USP9X: variants seen among roughly 807,000 people sequenced by gnomAD.
The protein encoded by USP9X is ubiquitin carboxyl-terminal hydrolase 9X.
Under a neutral mutation model 190.3 loss-of-function variants are expected in USP9X, and 7 were observed. The ratio of observed to expected loss-of-function variants is 0.04; its 90% confidence interval spans 0.02 to 0.07. The LOEUF (loss-of-function observed/expected upper bound fraction) is 0.07, where lower values mean the gene tolerates loss of function less well. Among genes scored for constraint, USP9X ranks in the 10% least tolerant of loss-of-function variants. The probability of loss-of-function intolerance (pLI) is 1.00; values close to 1 mark genes in which losing one functional copy is unlikely to be tolerated. For synonymous variants in USP9X, 645 were observed against 659.5 expected, an observed-to-expected ratio of 0.98 and a Z score of 0.34; for missense variants, 1,010 against 1,916.9, an observed-to-expected ratio of 0.53 and a Z score of 8.83.
At position 41,184,068 on chromosome X, in the gene USP9X, T is replaced by A. The variant is rs764118379; in HGVS notation, c.3219T>A (p.Ser1073Arg). Residue 1073 changes from serine (S) to arginine (R), a missense_variant, in exon 22 of 45, where the codon AGT becomes AGA. Around this residue, in one of 11 missense-constraint regions of USP9X, gnomAD observed 351 missense variants for 480.8 expected, o/e 0.73. Transcript: ENST00000378308. Reference sequence around the variant, plus strand: ...CCAAACTTGGAGAAAGCAGCCTTAGTCCATCTCTTGACTCACTTTTCTTTG... The same window carrying A: ...CCAAACTTGGAGAAAGCAGCCTTAGACCATCTCTTGACTCACTTTTCTTTG... ...DHAKLGESSL[S>R]PSLDSLFFGP... 1 of 1,210,876 alleles carries A rather than the reference T, an allele frequency of 8.3e-7. No homozygotes were observed. Among genetic ancestry groups the A allele is most frequent in the Non-Finnish European group, 1.1e-6 (1 of 894,995 alleles).
intron 21 of USP9X, among the ~76,000 whole-genome samples, chrX:41,172,168 A>G (rs2062732891): frequency 8.9e-6 from 1 of 111,744 alleles, no homozygotes; most frequent in Admixed American, 9.5e-5. Context: ...ATCTAGAAGA[A>G]TAATATTTTG....
intron 21 of USP9X, among the ~76,000 whole-genome samples, chrX:41,174,160 T>A (rs2062752851): frequency 1.8e-5 from 2 of 112,266 alleles, no homozygotes; most frequent in South Asian, 7.4e-4. Context: ...CACCCTATGA[T>A]GTTCACACAA....
intron 7 of USP9X, 93 bp downstream of exon 7, chrX:41,140,864 A>T (rs1457926004): frequency 4.6e-6 from 5 of 1,088,339 alleles, no homozygotes; most frequent in Non-Finnish European, 6.1e-6. Context: ...GGTTTCTTCA[A>T]CTAATAACTG....
Position 41,168,133 on chromosome X carries a change from G to A in USP9X, c.2551G>A (p.Val851Ile). 1 of 1,211,250 alleles carries A rather than the reference G, an allele frequency of 8.3e-7. No individual in the cohort carries two copies. Among genetic ancestry groups the A allele is most frequent in the Non-Finnish European group, 1.1e-6 (1 of 895,207 alleles). Residue 851 changes from valine (V) to isoleucine (I), a missense_variant, in exon 18 of 45, where the codon GTT becomes ATT. This residue lies in a region of USP9X where 104 missense variants were observed against 239.8 expected (regional missense o/e 0.43). Coordinates refer to ENST00000378308, the MANE Select transcript of USP9X (RefSeq NM_001039591.3). ...NCARQEAVRM[V>I]RVLTVLREYI... ...TGCAAGACAGGAAGCTGTTCGAATGGTTCGAGTATTAACTGTTTTAAGGGA... is the reference window on the plus strand; with the variant it reads ...TGCAAGACAGGAAGCTGTTCGAATGATTCGAGTATTAACTGTTTTAAGGGA...
At chrX:41,177,594 T>G (rs138096302) in intron 21 of USP9X, among the ~76,000 whole-genome samples, 142 of 112,407 alleles carry the variant, frequency 1.3e-3, no homozygotes, top group African/African-American at 4.4e-3. Flanking sequence ...ATGCTTTGTG[T>G]AGAGAGATGC....
intron 5 of USP9X, among the ~76,000 whole-genome samples, chrX:41,136,241 G>T (rs2147033112): frequency 9.0e-6 from 1 of 111,701 alleles, no homozygotes; most frequent in African/African-American, 3.3e-5. Flanking sequence ...CTTCCTTGGA[G>T]CCTCTGCCTC....
intron 36 of USP9X, 70 bp from the exon 37 acceptor site, chrX:41,218,302 A>G: frequency 9.5e-7 from 1 of 1,051,532 alleles, no homozygotes; most frequent in East Asian, 3.1e-5. Context: ...TGGTTCAATG[A>G]GACTCATCCT....
In USP9X at chrX:41,154,139, G is replaced by A. The variant is rs1463577037; in HGVS notation, c.1897+1058G>A. Among the ~76,000 whole-genome samples, 5 of 110,994 alleles carry A rather than the reference G, an allele frequency of 4.5e-5. No homozygotes were observed. The East Asian group carries it at 1.4e-3, about 31-fold the overall frequency. On this transcript the variant is annotated intron_variant, in intron 14 of 44. Coordinates refer to ENST00000378308, the MANE Select transcript of USP9X (RefSeq NM_001039591.3). ...TCTTTATTCTTCCATTTATCCCCTC[G>A]GGGCCAATAGATTGTTAGAGCTAGA...
At chrX:41,214,214 A>G (rs761216144) in intron 33 of USP9X, among the ~76,000 whole-genome samples, 15 of 112,631 alleles carry the variant, frequency 1.3e-4, no homozygotes, top group African/African-American at 4.2e-4. Context: ...ATGAATTACT[A>G]TCTAAACAGA....
intron 32 of USP9X, among the ~76,000 whole-genome samples, chrX:41,207,316 G>A (rs903870081): frequency 8.3e-5 from 9 of 108,753 alleles, no homozygotes; most frequent in Non-Finnish European, 3.8e-5. Context: ...AATTCCTGAC[G>A]TCAGGTGATC....
intron 1 of USP9X, among the ~76,000 whole-genome samples, chrX:41,108,953 C>T (rs2062089091): frequency 9.0e-6 from 1 of 111,176 alleles, no homozygotes; most frequent in Non-Finnish European, 1.9e-5. Flanking sequence ...AGAGCCTGTG[C>T]AACTCAAAGT....
intron 1 of USP9X, among the ~76,000 whole-genome samples, chrX:41,113,940 G>A (rs1415883842): frequency 8.9e-6 from 1 of 112,804 alleles, no homozygotes. Flanking sequence ...GTGCAGTTGA[G>A]AGAAATGTGA....
intron 2 of USP9X, among the ~76,000 whole-genome samples, chrX:41,126,274 T>A (rs931441814): frequency 1.8e-5 from 2 of 111,968 alleles, no homozygotes; most frequent in East Asian, 5.6e-4. Context: ...TATTAAAGTG[T>A]ATGGTCACAG....
intron 21 of USP9X, among the ~76,000 whole-genome samples, chrX:41,181,435 CTTTTTTTTTTTTTTTT>C (rs200403625): frequency 7.8e-5 from 3 of 38,572 alleles, no homozygotes; most frequent in Non-Finnish European, 1.6e-4. Flanking sequence ...CCACACCTGA[CTTTTTTTTTTTTTTTT>C]TTTTTTTTTT....
At chrX:41,231,893 ATC>A (rs2063363325) in intron 44 of USP9X, among the ~76,000 whole-genome samples, 1 of 111,658 alleles carries the variant, frequency 9.0e-6, no homozygotes, top group African/African-American at 3.3e-5. Context: ...TCTTATGTTA[ATC>A]ATGCCTGGTT....
intron 1 of USP9X, among the ~76,000 whole-genome samples, chrX:41,090,857 A>G (rs1332968661): frequency 2.7e-5 from 3 of 111,343 alleles, no homozygotes; most frequent in African/African-American, 9.8e-5. Flanking sequence ...CCACACTCAC[A>G]TGTATTATAT....
intron 1 of USP9X, among the ~76,000 whole-genome samples, chrX:41,092,821 A>G (rs1175385924): frequency 9.0e-6 from 1 of 110,825 alleles, no homozygotes; most frequent in East Asian, 2.8e-4. Flanking sequence ...CTGTACAAAA[A>G]CAGGAGGCTG....
At chrX:41,148,346 C>T (rs755330793) in intron 11 of USP9X, 23 bp from the exon 12 acceptor site, 1 of 1,206,610 alleles carries the variant, frequency 8.3e-7, no homozygotes, top group African/African-American at 1.7e-5. Context: ...GTGTTGTTTT[C>T]ATGTCACTTA....
chrX:41,202,091 T>C (rs1298737642), intron 31 of USP9X, among the ~76,000 whole-genome samples: 1 of 113,068 alleles, frequency 8.8e-6, no homozygotes, highest in Non-Finnish European at 1.9e-5. Flanking sequence ...TTTTTACTTT[T>C]CTATTTCTAA....
Sources: allele counts gnomAD v4.1 joint callset (sites outside exome capture counted in the v4.1 genomes callset), GRCh38; gene constraint gnomAD v4.1.1; regional missense constraint gnomAD v4.1.1; transcripts MANE v1.5; gene names NCBI Gene and HGNC (gene_info 2026-07-23, HGNC 2026-07-21).